Variants in TMEM178A observed in about 807,000 individuals in gnomAD.
The protein encoded by TMEM178A is transmembrane protein 178.
TMEM178A carries 12 observed loss-of-function variants against 29.1 expected under a neutral mutation model. The ratio of observed to expected loss-of-function variants is 0.41; its 90% CI spans 0.26 to 0.67. The LOEUF is 0.67. Among genes scored for constraint, TMEM178A ranks in the 30% least tolerant of loss-of-function variants. The probability of loss-of-function intolerance (pLI) is 0.29; values close to 1 mark genes in which losing one functional copy is unlikely to be tolerated. For missense variants in TMEM178A, 366 were observed against 419.1 expected (o/e 0.87, Z 1.11); for synonymous variants, 210 against 187.2 (o/e 1.12, Z -0.99).
chr2:39,708,364 G>T (rs1672133548), intron 3 of TMEM178A, among the ~76,000 whole-genome samples: 1 of 151,578 alleles, frequency 6.6e-6, no homozygotes, highest in Admixed American at 6.6e-5. Flanking sequence ...TTGAAGCTAA[G>T]GGTGACAAAC....
At chr2:39,697,827 C>G (rs1558456569) in intron 1 of TMEM178A, 1 of 152,256 alleles carries the variant, frequency 6.6e-6, no homozygotes, top group South Asian at 2.1e-4. Context: ...AAGCACGGAA[C>G]AGAGGAGGAG....
intron 3 of TMEM178A, among the ~76,000 whole-genome samples, chr2:39,713,015 G>A (rs1246306707): frequency 3.3e-5 from 5 of 152,106 alleles, no homozygotes; most frequent in East Asian, 3.9e-4. Context: ...ATTCAGTTTC[G>A]TTCAGGTTTT....
At chr2:39,669,035 T>A (rs1013875282) in intron 1 of TMEM178A, among the ~76,000 whole-genome samples, 2 of 152,234 alleles carry the variant, frequency 1.3e-5, no homozygotes, top group Non-Finnish European at 2.9e-5. Context: ...TTTGAGCAAC[T>A]AGAGTCCCAA....
At chr2:39,734,406 C>T in the TMEM178A span, among the ~76,000 whole-genome samples, 31 of 152,214 alleles carry the variant, frequency 2.0e-4, no homozygotes, top group Non-Finnish European at 2.1e-4. Flanking sequence ...TCCTCTTCTC[C>T]TGCCAACCTC....
intron 3 of TMEM178A, among the ~76,000 whole-genome samples, chr2:39,710,181 G>A (rs1672243807): frequency 6.6e-6 from 1 of 152,128 alleles, no homozygotes; most frequent in Non-Finnish European, 1.5e-5. Flanking sequence ...AATATGCAAA[G>A]CAATAGCCAC....
intron 1 of TMEM178A, chr2:39,687,426 G>A (rs1671131088): frequency 6.0e-6 from 1 of 167,012 alleles, no homozygotes; most frequent in South Asian, 2.1e-4. Context: ...TCCTCACCAG[G>A]TATTGAACCC....
At chr2:39,684,572 T>C (rs1481869310) in intron 1 of TMEM178A, among the ~76,000 whole-genome samples, 2 of 152,240 alleles carry the variant, frequency 1.3e-5, no homozygotes, top group Non-Finnish European at 2.9e-5. Context: ...TATTCCCATA[T>C]GTCCTCATAT....
intron 1 of TMEM178A, among the ~76,000 whole-genome samples, chr2:39,668,545 T>C (rs1284658304): frequency 6.6e-6 from 1 of 152,228 alleles, no homozygotes; most frequent in African/African-American, 2.4e-5. Context: ...TTAGGAGGGA[T>C]GACTATTCTT....
At chr2:39,732,956 G>A in the TMEM178A span, among the ~76,000 whole-genome samples, 1 of 152,126 alleles carries the variant, frequency 6.6e-6, no homozygotes, top group African/African-American at 2.4e-5. Flanking sequence ...ACAAATATAT[G>A]GTATTGCCTT....
At chr2:39,676,216 A>G (rs1249585815) in intron 1 of TMEM178A, among the ~76,000 whole-genome samples, 1 of 152,250 alleles carries the variant, frequency 6.6e-6, no homozygotes, top group Non-Finnish European at 1.5e-5. Context: ...GCCAAATAAT[A>G]GAATACCCAA....
chr2:39,716,925 T>C, intron 3 of TMEM178A, 85 bp from the exon 4 acceptor site: 1 of 1,480,610 alleles, frequency 6.8e-7, no homozygotes, highest in East Asian at 2.3e-5. Context: ...GTGGTTGATC[T>C]GATTTTCATA....
At chr2:39,682,878 GA>G (rs1271811084) in intron 1 of TMEM178A, among the ~76,000 whole-genome samples, 9 of 152,160 alleles carry the variant, frequency 5.9e-5, no homozygotes, top group Non-Finnish European at 1.2e-4. Context: ...TGACAGGTGT[GA>G]GCAGATCTCA....
intron 1 of TMEM178A, among the ~76,000 whole-genome samples, chr2:39,694,581 C>T (rs1671459614): frequency 6.6e-6 from 1 of 152,060 alleles, no homozygotes. Flanking sequence ...TAGTAAACTC[C>T]CCTCTCCAGG....
At chr2:39,731,831 C>T in the TMEM178A span, among the ~76,000 whole-genome samples, 7,635 of 152,244 alleles carry the variant, frequency 0.05, 656 homozygotes, top group African/African-American at 0.17. Context: ...TTCTGTCTGT[C>T]TCTGCAACCA....
At chr2:39,722,824 C>G (rs1386665631), downstream of TMEM178A, among the ~76,000 whole-genome samples, 1 of 152,142 alleles carries the variant, frequency 6.6e-6, no homozygotes, top group Non-Finnish European at 1.5e-5. Context: ...TCCTGGTTGG[C>G]CCAGAGTCTG....
intron 1 of TMEM178A, among the ~76,000 whole-genome samples, chr2:39,697,381 A>T (rs1445746746): frequency 6.6e-6 from 1 of 152,252 alleles, no homozygotes; most frequent in Non-Finnish European, 1.5e-5. Flanking sequence ...AAGAACAAGG[A>T]CATAAAACAG....
At chr2:39,665,647 A>C, upstream of TMEM178A, 3 of 222,186 alleles carry the variant, frequency 1.4e-5, no homozygotes, top group South Asian at 2.1e-4. Context: ...GGAGGTAGGG[A>C]GAGGGGCGAG....
chr2:39,712,234 A>G (rs1672342333), intron 3 of TMEM178A, among the ~76,000 whole-genome samples: 1 of 152,138 alleles, frequency 6.6e-6, no homozygotes, highest in Non-Finnish European at 1.5e-5. Context: ...AGCAGGGGAA[A>G]AAAATCAATG....
In TMEM178A at chr2:39,666,290, C is replaced by A. The variant is rs866442443; in HGVS notation, c.316C>A (p.Pro106Thr). The A allele has an allele frequency of 7.1e-7, 1 of 1,418,118 alleles. No individual in the cohort carries two copies. The highest frequency in any genetic ancestry group is 9.2e-7 in the Non-Finnish European group (1 of 1,085,102). The allele number at this position is 1,418,118 out of a possible 1,614,324, so 87.8% of individuals were successfully genotyped here. A position where few individuals can be genotyped will look rare whatever the true frequency, so the allele number is the denominator to read the frequency against. The change falls in exon 1 of 4, where the codon CCC (proline) becomes ACC (threonine). Residue 106 changes from proline to threonine, a missense_variant. Pro to Thr is a conservative substitution (Grantham distance 38, BLOSUM62 -1). This residue lies in a region of TMEM178A where 247 missense variants were observed against 246.8 expected (regional missense o/e 1.00). Coordinates refer to ENST00000281961, the MANE Select transcript of TMEM178A (RefSeq NM_152390.3). ...LGGLDAECGR[P>T]LFATYSGLWR... Reference sequence around the variant, plus strand: ...CGGGCTGGACGCCGAGTGCGGCCGGCCCCTCTTCGCCACCTACTCGGGCCT... The same window carrying A: ...CGGGCTGGACGCCGAGTGCGGCCGGACCCTCTTCGCCACCTACTCGGGCCT...
Sources: gnomAD v4.1 joint callset for allele counts (sites outside exome capture counted in the v4.1 genomes callset) on GRCh38, gnomAD v4.1.1 for gene constraint, gnomAD v4.1.1 regional missense constraint, MANE v1.5 for transcripts, NCBI Gene and HGNC (gene_info 2026-07-23, HGNC 2026-07-21) for gene names.